ACOT13: variants seen among roughly 807,000 people sequenced by gnomAD.
The protein encoded by ACOT13 is acyl-CoA thioesterase 13.
Under a neutral mutation model 11.8 loss-of-function variants are expected in ACOT13, and 10 were observed. That is an observed-to-expected ratio of 0.85 (90% CI 0.53 to 1.44). The LOEUF is 1.44. Among genes scored for constraint, ACOT13 ranks in the 40% most tolerant of loss-of-function variants. ACOT13 has a pLI of 0.00. For missense variants in ACOT13, 172 were observed against 174.1 expected (o/e 0.99, Z 0.07); for synonymous variants, 53 against 61.0 (o/e 0.87, Z 0.61).
chr6:24,698,196 T>C (rs936098645), intron 2 of ACOT13, 129 bp downstream of exon 2: 79 of 840,284 alleles, frequency 9.4e-5, no homozygotes, highest in Non-Finnish European at 1.2e-4. Flanking sequence ...ACTGCACCTA[T>C]AGATTTTGTC....
At chr6:24,687,717 T>C in intron 1 of ACOT13, 1 of 1,500,882 alleles carries the variant, frequency 6.7e-7, no homozygotes, top group Non-Finnish European at 8.9e-7. Flanking sequence ...TTTTTTTTTT[T>C]TTTTTTTTTT....
chr6:24,699,244 T>C (rs1377856083), intron 2 of ACOT13, among the ~76,000 whole-genome samples: 5 of 149,788 alleles, frequency 3.3e-5, no homozygotes, highest in African/African-American at 7.5e-5. Context: ...GAGTCTCGCT[T>C]TGTGGCCCAG....
intron 1 of ACOT13, among the ~76,000 whole-genome samples, chr6:24,674,401 G>T (rs1368431130): frequency 1.7e-5 from 2 of 114,616 alleles, no homozygotes; most frequent in Non-Finnish European, 4.3e-5. Context: ...GTTTTTGGGG[G>T]GTTTTGTTTG....
intron 1 of ACOT13, among the ~76,000 whole-genome samples, chr6:24,673,563 G>A (rs770185560): frequency 5.3e-5 from 8 of 152,110 alleles, no homozygotes; most frequent in South Asian, 2.1e-4. Context: ...GTGTCACTAC[G>A]TTGGCCGGGC....
chr6:24,696,837 A>G (rs778369244), intron 1 of ACOT13, among the ~76,000 whole-genome samples: 4 of 151,862 alleles, frequency 2.6e-5, no homozygotes, highest in African/African-American at 7.3e-5. Context: ...GTGTAATGGC[A>G]TGATCTCAGC....
intron 1 of ACOT13, among the ~76,000 whole-genome samples, chr6:24,688,231 T>C (rs974574210): frequency 6.6e-6 from 1 of 152,022 alleles, no homozygotes; most frequent in African/African-American, 2.4e-5. Flanking sequence ...GTTGCAGCAT[T>C]ATTTGTGATA....
At chr6:24,682,700 G>C (rs551178062) in intron 1 of ACOT13, among the ~76,000 whole-genome samples, 2 of 151,838 alleles carry the variant, frequency 1.3e-5, no homozygotes, top group Admixed American at 6.5e-5. Flanking sequence ...GCGGGTCTGC[G>C]ATGGCGGCAA....
intron 1 of ACOT13, among the ~76,000 whole-genome samples, chr6:24,692,122 A>G (rs957521938): frequency 6.6e-6 from 1 of 152,158 alleles, no homozygotes; most frequent in South Asian, 2.1e-4. Context: ...TTGAACGACT[A>G]GTTAACTCTA....
chr6:24,693,083 C>G (rs762474959), intron 1 of ACOT13, among the ~76,000 whole-genome samples: 1 of 152,208 alleles, frequency 6.6e-6, no homozygotes, highest in Non-Finnish European at 1.5e-5. Context: ...CATTCATACA[C>G]TGTCCTTAGA....
chr6:24,686,712 C>CT (rs1452755259), intron 1 of ACOT13, among the ~76,000 whole-genome samples: 1 of 134,996 alleles, frequency 7.4e-6, no homozygotes, highest in Non-Finnish European at 1.6e-5. Flanking sequence ...CTTTTCTTTT[C>CT]TTTTTTCTTA....
At chr6:24,696,057 C>CAAAACAAAAAACAAACAAA (rs1235466797) in intron 1 of ACOT13, among the ~76,000 whole-genome samples, 1 of 151,846 alleles carries the variant, frequency 6.6e-6, no homozygotes, top group Non-Finnish European at 1.5e-5. Context: ...GACTTCATCT[C>CAAAACAAAAAACAAACAAA]AAAACAAAAA....
chr6:24,698,425 G>A (rs1431081115), intron 2 of ACOT13, among the ~76,000 whole-genome samples: 1 of 152,084 alleles, frequency 6.6e-6, no homozygotes, highest in Admixed American at 6.6e-5. Flanking sequence ...AGTGGCTCAC[G>A]CCTATAATCC....
intron 1 of ACOT13, among the ~76,000 whole-genome samples, chr6:24,688,233 T>C (rs914349392): frequency 9.9e-5 from 15 of 152,118 alleles, no homozygotes; most frequent in Admixed American, 6.5e-4. Flanking sequence ...TGCAGCATTA[T>C]TTGTGATATC....
intron 1 of ACOT13, among the ~76,000 whole-genome samples, chr6:24,681,137 A>G (rs1254877248): frequency 1.3e-5 from 2 of 152,052 alleles, no homozygotes; most frequent in Non-Finnish European, 2.9e-5. Flanking sequence ...TTCTAACATA[A>G]TAGCCCCATA....
rs147825101 is a variant in ACOT13 at position 24,668,908 on chromosome 6, T to C, written c.81+1564T>C. ...ATCTGCCACACAGAAAAGGTGGGGG[T>C]TTGGAAAGGGAGAAGCCTCTGGTTC... On this transcript the variant is annotated intron_variant, in intron 1 of 2. Coordinates refer to ENST00000230048, the MANE Select transcript of ACOT13 (RefSeq NM_018473.4). Among the ~76,000 whole-genome samples the C allele has an allele frequency of 9.1e-4, 139 of 152,024 alleles. 1 individual carries two copies. The highest frequency in any genetic ancestry group is 1.2e-3 in the Non-Finnish European group (82 of 67,974).
intron 1 of ACOT13, among the ~76,000 whole-genome samples, chr6:24,696,616 A>G (rs1331181668): frequency 2.6e-5 from 4 of 152,178 alleles, no homozygotes; most frequent in African/African-American, 7.2e-5. Flanking sequence ...GAGGGTGGAA[A>G]TTACTGTTTT....
chr6:24,673,451 C>G (rs1374802919), intron 1 of ACOT13, among the ~76,000 whole-genome samples: 1 of 152,100 alleles, frequency 6.6e-6, no homozygotes, highest in Non-Finnish European at 1.5e-5. Context: ...GCCTCTGCCT[C>G]TTGGGTTCAA....
intron 1 of ACOT13, among the ~76,000 whole-genome samples, chr6:24,689,578 C>A (rs887442495): frequency 6.6e-6 from 1 of 152,006 alleles, no homozygotes; most frequent in Non-Finnish European, 1.5e-5. Flanking sequence ...GAATAAAAGG[C>A]AAGAAAAACA....
intron 1 of ACOT13, among the ~76,000 whole-genome samples, chr6:24,694,296 T>C (rs1306192454): frequency 6.6e-6 from 1 of 152,182 alleles, no homozygotes; most frequent in African/African-American, 2.4e-5. Context: ...AAAGCCTCCA[T>C]ACCATCTTCA....
Sources: gnomAD v4.1 joint callset for allele counts (sites outside exome capture counted in the v4.1 genomes callset) on GRCh38, gnomAD v4.1.1 for gene constraint, MANE v1.5 for transcripts, NCBI Gene and HGNC (gene_info 2026-07-23, HGNC 2026-07-21) for gene names.